Variants in GATAD1 observed in about 807,000 individuals in gnomAD.
GATAD1 encodes the protein GATA zinc finger domain-containing protein 1.
A neutral mutation model predicts 26.5 loss-of-function variants in GATAD1; 12 were observed. The ratio of observed to expected loss-of-function variants is 0.45; its 90% CI spans 0.29 to 0.73. GATAD1 has a LOEUF of 0.73. GATAD1 is among the 30% of genes least tolerant of loss of function. The probability of loss-of-function intolerance (pLI) is 0.10; values close to 1 mark genes in which losing one functional copy is unlikely to be tolerated. For missense variants in GATAD1, 266 were observed against 342.1 expected, an observed-to-expected ratio of 0.78 and a Z score of 1.75; for synonymous variants, 129 against 133.1, an observed-to-expected ratio of 0.97 and a Z score of 0.21.
At chr7:92,469,412 C>T in the GATAD1 span, 2 of 771,264 alleles carry the variant, frequency 2.6e-6, no homozygotes, top group East Asian at 4.8e-5. Flanking sequence ...GCTCCTATAA[C>T]AAAAGGAAGA....
intron 2 of GATAD1, chr7:92,449,357 T>C (rs971211941): frequency 1.9e-5 from 18 of 962,250 alleles, no homozygotes; most frequent in Middle Eastern, 5.3e-4. Flanking sequence ...ATTTGATGAA[T>C]ATGAGTCAAA....
chr7:92,479,437 G>C, the GATAD1 span, among the ~76,000 whole-genome samples: 1 of 152,124 alleles, frequency 6.6e-6, no homozygotes, highest in East Asian at 1.9e-4. Context: ...TTAAGGTGGG[G>C]CAGGAACAAA....
chr7:92,474,971 G>C, the GATAD1 span: 2 of 152,036 alleles, frequency 1.3e-5, no homozygotes, highest in Non-Finnish European at 2.9e-5. Context: ...GTTGAAGGGG[G>C]GTCCTTATTA....
intron 3 of GATAD1, among the ~76,000 whole-genome samples, chr7:92,453,788 A>T (rs1789540525): frequency 6.6e-6 from 1 of 152,206 alleles, no homozygotes; most frequent in Admixed American, 6.5e-5. Flanking sequence ...TGCTGAGCTG[A>T]TGTAGGAGCT....
the GATAD1 span, chr7:92,469,217 G>A: frequency 2.8e-5 from 21 of 759,194 alleles, no homozygotes; most frequent in African/African-American, 3.6e-4. Context: ...TCAGCGGTTA[G>A]CAAGTCTAAA....
intron 1 of GATAD1, among the ~76,000 whole-genome samples, 157 bp downstream of exon 1, chr7:92,448,135 G>C (rs1789245792): frequency 6.6e-6 from 1 of 152,218 alleles, no homozygotes; most frequent in African/African-American, 2.4e-5. Context: ...TCTTTCGTTT[G>C]GCCCATTCCG....
At chr7:92,493,380 A>G in the GATAD1 span, 1 of 225,986 alleles carries the variant, frequency 4.4e-6, no homozygotes, top group African/African-American at 2.3e-5. Context: ...CACGCCTGTA[A>G]TCCCAACACT....
the GATAD1 span, chr7:92,468,882 T>A: frequency 1.3e-6 from 1 of 764,262 alleles, no homozygotes; most frequent in Non-Finnish European, 2.4e-6. Context: ...GGTCCAGGGG[T>A]CTGCGGTAGA....
chr7:92,479,409 C>A, the GATAD1 span, among the ~76,000 whole-genome samples: 2 of 152,004 alleles, frequency 1.3e-5, no homozygotes, highest in Admixed American at 6.6e-5. Flanking sequence ...AAGGAATTTC[C>A]CAAGGTTAAT....
the GATAD1 span, chr7:92,475,232 C>CT: frequency 6.6e-6 from 1 of 152,072 alleles, no homozygotes; most frequent in Non-Finnish European, 1.5e-5. Flanking sequence ...TTCTTAGTGT[C>CT]TGAGGGTCAA....
intron 2 of GATAD1, 102 bp downstream of exon 2, chr7:92,448,979 CCCTT>C: frequency 7.8e-7 from 1 of 1,278,304 alleles, no homozygotes; most frequent in Non-Finnish European, 1.1e-6. Flanking sequence ...CCCTTGGTAG[CCCTT>C]CCTTAGTATT....
the GATAD1 span, among the ~76,000 whole-genome samples, chr7:92,466,935 T>C: frequency 6.6e-6 from 1 of 152,180 alleles, no homozygotes; most frequent in Admixed American, 6.5e-5. Context: ...TATCTGGTAA[T>C]GTTTACATTT....
chr7:92,448,793 C>T lies in GATAD1; in HGVS notation c.291C>T (p.Asn97=). ...ACAGGAGGTCTGCTCGGCTCAGAAA[C>T]ACTAAATACAAATCTGCTCCGGCTG... is the stretch of plus-strand genomic sequence containing the variant. ...EIHRRSARLR[N]TKYKSAPAAE... is the part of the protein sequence containing the mutation. The change falls in exon 2 of 5, where the codon AAC becomes AAT. Residue 97 remains asparagine (N), a synonymous_variant. Coordinates refer to ENST00000287957, the MANE Select transcript of GATAD1 (RefSeq NM_021167.5). 1 of 1,610,260 alleles carries T rather than the reference C, an allele frequency of 6.2e-7. No homozygotes were observed. The highest frequency in any genetic ancestry group is 8.5e-7 in the Non-Finnish European group (1 of 1,176,454).
chr7:92,487,362 TAAG>T, the GATAD1 span: 8 of 696,104 alleles, frequency 1.1e-5, no homozygotes, highest in African/African-American at 3.6e-5. Context: ...TTTGTTAAAT[TAAG>T]AAGAAATTCA....
chr7:92,487,892 A>G, the GATAD1 span, among the ~76,000 whole-genome samples: 1 of 152,192 alleles, frequency 6.6e-6, no homozygotes, highest in African/African-American at 2.4e-5. Context: ...GCAACACACA[A>G]TGTTAGTGAT....
the GATAD1 span, chr7:92,465,189 G>T: frequency 6.6e-6 from 1 of 152,058 alleles, no homozygotes; most frequent in East Asian, 1.9e-4. Context: ...AAAGAAATTG[G>T]GTAAATGCTA....
the GATAD1 span, among the ~76,000 whole-genome samples, chr7:92,480,369 TC>T: frequency 1.3e-5 from 2 of 152,150 alleles, no homozygotes; most frequent in Admixed American, 1.3e-4. Context: ...AATTTGCCAG[TC>T]CTGGGCAGGG....
the GATAD1 span, chr7:92,472,809 C>G: frequency 5.3e-5 from 8 of 152,134 alleles, no homozygotes; most frequent in African/African-American, 1.9e-4. Context: ...TAATTTTAGC[C>G]CTAAGTAACC....
the GATAD1 span, among the ~76,000 whole-genome samples, chr7:92,467,815 G>T: frequency 2.6e-5 from 4 of 152,240 alleles, no homozygotes; most frequent in African/African-American, 9.6e-5. Flanking sequence ...ACTTGGAGAA[G>T]TGAACAAAGG....
Sources: allele counts gnomAD v4.1 joint callset (sites outside exome capture counted in the v4.1 genomes callset), GRCh38; gene constraint gnomAD v4.1.1; transcripts MANE v1.5; gene names NCBI Gene and HGNC (gene_info 2026-07-23, HGNC 2026-07-21).